Variants in THAP2 observed in about 807,000 individuals in gnomAD.
The protein encoded by THAP2 is THAP domain containing 2, also known as THAP domain-containing protein 2.
Under a neutral mutation model 18.8 loss-of-function variants are expected in THAP2, and 16 were observed. That is an observed-to-expected ratio of 0.85 (90% CI 0.58 to 1.29). The LOEUF (loss-of-function observed/expected upper bound fraction) is 1.29, where lower values mean the gene tolerates loss of function less well. Ranked by LOEUF, THAP2 falls within the 50% of genes most tolerant of loss-of-function variation. THAP2 has a pLI of 0.00. For missense variants in THAP2, 251 were observed against 265.3 expected, an observed-to-expected ratio of 0.95 and a Z score of 0.38; for synonymous variants, 80 against 89.2, an observed-to-expected ratio of 0.90 and a Z score of 0.58.
chr12:71,674,132 T>C (rs1881484033), intron 1 of THAP2, 71 bp from the exon 2 acceptor site: 12 of 1,416,476 alleles, frequency 8.5e-6, no homozygotes, highest in Non-Finnish European at 1.1e-5. Context: ...TCTTCGAAAT[T>C]TCTTTTAATC....
At chr12:71,668,385 A>G (rs1881378474) in intron 1 of THAP2, among the ~76,000 whole-genome samples, 1 of 152,216 alleles carries the variant, frequency 6.6e-6, no homozygotes, top group Non-Finnish European at 1.5e-5. Flanking sequence ...TGTACTGTGC[A>G]CTGGGCTAAG....
intron 1 of THAP2, among the ~76,000 whole-genome samples, chr12:71,668,777 A>G (rs1322129089): frequency 1.3e-5 from 2 of 152,232 alleles, no homozygotes; most frequent in Non-Finnish European, 2.9e-5. Context: ...CAAAACATCA[A>G]ATATTTATAA....
In THAP2 at chr12:71,680,295, C is replaced by G. The variant is rs1881580737; in HGVS notation, c.*3187C>G. The G allele has an allele frequency of 6.6e-6, 1 of 152,362 alleles. No individual in the cohort carries two copies. The highest frequency in any genetic ancestry group is 1.5e-5 in the Non-Finnish European group (1 of 68,024). The allele number at this position is 152,362 out of a possible 1,614,324, so 9.4% of individuals were successfully genotyped here. A position where few individuals can be genotyped will look rare whatever the true frequency, so the allele number is the denominator to read the frequency against. On this transcript the variant is annotated 3_prime_UTR_variant, in exon 3 of 3. Transcript: ENST00000308086. ...ATTTTCTGCCAACAAATCCTCTCTG[C>G]TGTTCACATTATCCTTTGTTTAACG...
chr12:71,664,936 A>C (rs1272090442), intron 1 of THAP2: 2 of 702,248 alleles, frequency 2.8e-6, no homozygotes, highest in Admixed American at 2.0e-5. Context: ...TCACCGTAAA[A>C]GCCTGCTGTG....
At chr12:71,667,461 C>T (rs747959678) in intron 1 of THAP2, 5 of 152,150 alleles carry the variant, frequency 3.3e-5, no homozygotes, top group Non-Finnish European at 7.3e-5. Flanking sequence ...TTTCTCTGGT[C>T]TCCTTTTAGT....
In THAP2 at chr12:71,679,161, A is replaced by C. The variant is rs1424605179; in HGVS notation, c.*2053A>C. On this transcript the variant is annotated 3_prime_UTR_variant, in exon 3 of 3. Coordinates refer to ENST00000308086, the MANE Select transcript of THAP2 (RefSeq NM_031435.4). ...ACAGTAATACCTTGAAACCTTAATA[A>C]ATTTTAAAAATCATAAAAATAAAAT... The C allele has an allele frequency of 6.6e-6, 1 of 152,148 alleles. No individual in the cohort carries two copies. The highest frequency in any genetic ancestry group is 1.5e-5 in the Non-Finnish European group (1 of 68,000). The allele number at this position is 152,148 out of a possible 1,614,324, so 9.4% of individuals were successfully genotyped here.
chr12:71,670,961 A>C (rs1881427526), intron 1 of THAP2, among the ~76,000 whole-genome samples: 1 of 149,742 alleles, frequency 6.7e-6, no homozygotes, highest in African/African-American at 2.5e-5. Flanking sequence ...AAAAATTAAG[A>C]GAAAATATAT....
chr12:71,666,440 G>T (rs1479724800), intron 1 of THAP2, among the ~76,000 whole-genome samples: 1 of 152,056 alleles, frequency 6.6e-6, no homozygotes, highest in Non-Finnish European at 1.5e-5. Context: ...CTGAACTGGG[G>T]AAGTTAAGGC....
chr12:71,674,126 C>A (rs1370317387), intron 1 of THAP2, 77 bp from the exon 2 acceptor site: 1 of 1,387,486 alleles, frequency 7.2e-7, no homozygotes. Flanking sequence ...TAATCATCTT[C>A]GAAATTTCTT....
chr12:71,664,945 T>C (rs1439311674), intron 1 of THAP2: 27 of 702,204 alleles, frequency 3.8e-5, no homozygotes, highest in Admixed American at 8.0e-5. Context: ...AAGCCTGCTG[T>C]GTTCCCGTTA....
At chr12:71,675,642 T>G (rs1003931488) in intron 2 of THAP2, among the ~76,000 whole-genome samples, 21 of 152,052 alleles carry the variant, frequency 1.4e-4, no homozygotes, top group African/African-American at 5.1e-4. Context: ...CAATAAATGT[T>G]TAATGAATTA....
At chr12:71,674,173 G>T in intron 1 of THAP2, 30 bp from the exon 2 acceptor site, 1 of 1,528,268 alleles carries the variant, frequency 6.5e-7, no homozygotes, top group Non-Finnish European at 8.8e-7. Context: ...ATGATAGTTG[G>T]AATTTGAGTT....
chr12:71,678,455 A>C lies in THAP2; in HGVS notation c.*1347A>C, dbSNP rs1881554247. On this transcript the variant is annotated 3_prime_UTR_variant, in exon 3 of 3. Coordinates refer to ENST00000308086, the MANE Select transcript of THAP2 (RefSeq NM_031435.4). ...TCTTATCATTGCCACTTGAACAATT[A>C]AAGGGTTTGCTTTATTTCACTAATG... The C allele has an allele frequency of 6.6e-6, 1 of 152,630 alleles. No individual in the cohort carries two copies. Among genetic ancestry groups the C allele is most frequent in the Non-Finnish European group, 1.5e-5 (1 of 68,028 alleles). 9.5% of individuals were successfully genotyped at this position (152,630 alleles called of 1,614,324 possible). A position where few individuals can be genotyped will look rare whatever the true frequency, so the allele number is the denominator to read the frequency against.
intron 1 of THAP2, among the ~76,000 whole-genome samples, chr12:71,668,712 C>G (rs1055040264): frequency 4.6e-5 from 7 of 152,170 alleles, no homozygotes; most frequent in Admixed American, 3.9e-4. Context: ...AGGCATTCAA[C>G]TAATTATTGA....
At chr12:71,664,706 G>A (rs1881298348) in intron 1 of THAP2, 126 bp downstream of exon 1, 2 of 1,060,504 alleles carry the variant, frequency 1.9e-6, no homozygotes, top group African/African-American at 3.1e-5. Flanking sequence ...GGGAAGCATC[G>A]TATGTCCTTT....
At chr12:71,669,124 CAGATACTATGCT>C (rs746767243) in intron 1 of THAP2, among the ~76,000 whole-genome samples, 29 of 152,174 alleles carry the variant, frequency 1.9e-4, no homozygotes, top group East Asian at 7.7e-4. Context: ...GAGTGCTTAA[CAGATACTATGCT>C]AGATACTATG....
chr12:71,667,564 C>T (rs1881363937), intron 1 of THAP2: 2 of 152,244 alleles, frequency 1.3e-5, no homozygotes, highest in Admixed American at 6.5e-5. Context: ...AAGATCTACC[C>T]ATCTGGAAAC....
In THAP2 at chr12:71,676,669, T is replaced by C. The variant is rs757570126; in HGVS notation, c.268-20T>C. ...ATATTTCATAATTTATGTTCAACCC[T>C]CTAATTTTATTCGGCTCAGAAACTC... On this transcript the variant is annotated intron_variant, in intron 2 of 2. Transcript: ENST00000308086. 2.6e-6 allele frequency: 4 copies of C among 1,558,294 alleles called. 1 individual carries two copies. The highest frequency in any genetic ancestry group is 4.2e-5 in the Admixed American group (2 of 47,974).
intron 1 of THAP2, among the ~76,000 whole-genome samples, chr12:71,668,251 G>C (rs527841415): frequency 9.2e-5 from 14 of 152,248 alleles, no homozygotes; most frequent in African/African-American, 3.4e-4. Flanking sequence ...AAGGCCTCCT[G>C]ACTAGACTAG....
Sources: allele counts gnomAD v4.1 joint callset (sites outside exome capture counted in the v4.1 genomes callset), GRCh38; gene constraint gnomAD v4.1.1; transcripts MANE v1.5; gene names NCBI Gene and HGNC (gene_info 2026-07-23, HGNC 2026-07-21).